The following UBR3 variants were observed in gnomAD, a reference collection of about 807,000 sequenced individuals.
UBR3 encodes ubiquitin protein ligase E3 component n-recognin 3, also known as E3 ubiquitin-protein ligase UBR3.
Under a neutral mutation model 243.2 loss-of-function variants are expected in UBR3, and 85 were observed. That is an observed-to-expected ratio of 0.35 (90% CI 0.29 to 0.42). The LOEUF is 0.42. Among genes scored for constraint, UBR3 ranks in the 10% least tolerant of loss-of-function variants. The probability of loss-of-function intolerance (pLI) is 1.00; values close to 1 mark genes in which losing one functional copy is unlikely to be tolerated. For synonymous variants in UBR3, 748 were observed against 799.8 expected (o/e 0.94, Z 1.09); for missense variants, 1,686 against 2,300.8 (o/e 0.73, Z 5.47).
intron 32 of UBR3, among the ~76,000 whole-genome samples, chr2:170,043,909 G>C (rs1367949332): frequency 6.6e-6 from 1 of 152,162 alleles, no homozygotes; most frequent in Admixed American, 6.5e-5. Flanking sequence ...TTTGCTAGCT[G>C]TCATTGTGGT....
In UBR3 at chr2:170,083,010, A is replaced by T. The variant is rs2091930429; in HGVS notation, c.*1167A>T. 1 of 152,626 alleles carries T rather than the reference A, an allele frequency of 6.6e-6. No homozygotes were observed. Among genetic ancestry groups the T allele is most frequent in the South Asian group, 2.1e-4 (1 of 4,832 alleles). 9.5% of individuals were successfully genotyped at this position (152,626 alleles called of 1,614,324 possible). ...TCTATGAGAAGGAAGATTACTGAAAAGCATGTGACATATTGCTACAAAGAT... is the reference window on the plus strand; with the variant it reads ...TCTATGAGAAGGAAGATTACTGAAATGCATGTGACATATTGCTACAAAGAT... On this transcript the variant is annotated 3_prime_UTR_variant, in exon 39 of 39. Transcript: ENST00000272793.
intron 24 of UBR3, among the ~76,000 whole-genome samples, chr2:169,971,576 A>G (rs2088146895): frequency 6.6e-6 from 1 of 152,052 alleles, no homozygotes; most frequent in Admixed American, 6.6e-5. Flanking sequence ...CATTTATTAA[A>G]TAGGGAATCC....
At chr2:169,829,582 C>A (rs1468549231) in intron 1 of UBR3, among the ~76,000 whole-genome samples, 1 of 151,932 alleles carries the variant, frequency 6.6e-6, no homozygotes, top group Admixed American at 6.6e-5. Flanking sequence ...CACTACCACG[C>A]CTGGCTAATT....
intron 14 of UBR3, 50 bp from the exon 15 acceptor site, chr2:169,926,642 A>G (rs1032673887): frequency 1.4e-6 from 2 of 1,472,636 alleles, no homozygotes; most frequent in Non-Finnish European, 1.8e-6. Context: ...GATTAATAGA[A>G]GAAGGAAAAC....
chr2:169,896,485 CTTTCTATTAAAATG>C lies in UBR3; in HGVS notation c.1237-18_1237-5del. Reference sequence around the variant, plus strand: ...AAAATTAAAACTAATGTGTTTTTTCCTTTCTATTAAAATGTTTACAGGTTGCTTTTACAAAAACT... The same window carrying C: ...AAAATTAAAACTAATGTGTTTTTTCCTTTACAGGTTGCTTTTACAAAAACT... On this transcript the variant is annotated splice_polypyrimidine_tract_variant and splice_region_variant and intron_variant, in intron 7 of 38. Coordinates refer to ENST00000272793, the MANE Select transcript of UBR3 (RefSeq NM_172070.4). 7.1e-7 allele frequency: 1 copy of C among 1,404,772 alleles called. No individual in the cohort carries two copies. Among genetic ancestry groups the C allele is most frequent in the Non-Finnish European group, 9.5e-7 (1 of 1,055,274 alleles). The allele number at this position is 1,404,772 out of a possible 1,614,324, so 87.0% of individuals were successfully genotyped here.
chr2:169,958,877 A>G (rs554495286), intron 24 of UBR3, among the ~76,000 whole-genome samples: 1 of 152,178 alleles, frequency 6.6e-6, no homozygotes, highest in Non-Finnish European at 1.5e-5. Flanking sequence ...AATAGTTTCA[A>G]ATGCTTCTAG....
intron 28 of UBR3, among the ~76,000 whole-genome samples, chr2:170,007,626 C>T (rs564086256): frequency 2.0e-5 from 3 of 151,980 alleles, no homozygotes; most frequent in Non-Finnish European, 4.4e-5. Context: ...GGCGTGGTGG[C>T]GCTGAGACAG....
intron 11 of UBR3, among the ~76,000 whole-genome samples, chr2:169,918,246 A>G (rs2085539684): frequency 6.6e-6 from 1 of 151,868 alleles, no homozygotes; most frequent in South Asian, 2.1e-4. Context: ...CTCTGCCATA[A>G]TTCAACTAGC....
chr2:169,959,592 T>C (rs1237330367), intron 24 of UBR3, among the ~76,000 whole-genome samples: 1 of 152,100 alleles, frequency 6.6e-6, no homozygotes, highest in South Asian at 2.1e-4. Context: ...TGGTAGGATA[T>C]GTATATATGA....
chr2:169,940,393 T>C (rs17631433), intron 19 of UBR3, among the ~76,000 whole-genome samples: 9,918 of 152,266 alleles, frequency 0.065, 343 homozygotes, highest in Non-Finnish European at 0.084. Flanking sequence ...CGCCTTAAAA[T>C]GTCTGCATGT....
chr2:170,071,162 T>C (rs780168293), intron 35 of UBR3, among the ~76,000 whole-genome samples: 1 of 152,192 alleles, frequency 6.6e-6, no homozygotes, highest in Non-Finnish European at 1.5e-5. Flanking sequence ...GGAAAAAGTT[T>C]GGCAGTTTTT....
intron 11 of UBR3, among the ~76,000 whole-genome samples, chr2:169,917,043 A>G (rs1407760015): frequency 3.9e-5 from 6 of 152,118 alleles, no homozygotes; most frequent in Non-Finnish European, 8.8e-5. Context: ...ACCCTTTGTT[A>G]TCTTTAATTC....
At chr2:169,841,613 G>T (rs1372886430) in intron 1 of UBR3, among the ~76,000 whole-genome samples, 1 of 152,216 alleles carries the variant, frequency 6.6e-6, no homozygotes, top group Non-Finnish European at 1.5e-5. Flanking sequence ...GGCTTGGTGG[G>T]CCCTGCACTC....
chr2:169,967,218 TGAG>T (rs1161069923), intron 24 of UBR3, among the ~76,000 whole-genome samples: 1 of 151,494 alleles, frequency 6.6e-6, no homozygotes, highest in Non-Finnish European at 1.5e-5. Context: ...TAAAGCAAAT[TGAG>T]GAGAGTATGC....
chr2:169,981,236 G>A (rs1261083433), intron 24 of UBR3, among the ~76,000 whole-genome samples: 1 of 152,078 alleles, frequency 6.6e-6, no homozygotes, highest in Non-Finnish European at 1.5e-5. Context: ...TGAGCTGCAT[G>A]TAATGGCTTC....
At chr2:169,911,466 C>T (rs1425070238) in intron 10 of UBR3, among the ~76,000 whole-genome samples, 3 of 151,992 alleles carry the variant, frequency 2.0e-5, no homozygotes, top group Non-Finnish European at 4.4e-5. Context: ...TGTGGAGAAA[C>T]TGAGACTCAT....
intron 26 of UBR3, among the ~76,000 whole-genome samples, chr2:169,998,153 A>AGAC (rs1242277253): frequency 1.3e-5 from 2 of 152,224 alleles, no homozygotes; most frequent in Admixed American, 6.5e-5. Flanking sequence ...ATTTTTAATT[A>AGAC]CTTTAGAGTA....
chr2:170,062,957 G>A (rs965086054), intron 35 of UBR3, among the ~76,000 whole-genome samples: 1 of 152,190 alleles, frequency 6.6e-6, no homozygotes, highest in African/African-American at 2.4e-5. Context: ...TTAAAATATA[G>A]TTGTAATGGA....
intron 8 of UBR3, among the ~76,000 whole-genome samples, chr2:169,900,258 C>T (rs2084765640): frequency 6.6e-6 from 1 of 152,160 alleles, no homozygotes; most frequent in African/African-American, 2.4e-5. Context: ...TGATGATGAG[C>T]ATTTTTCATA....
Sources: gnomAD v4.1 joint callset for allele counts (sites outside exome capture counted in the v4.1 genomes callset) on GRCh38, gnomAD v4.1.1 for gene constraint, MANE v1.5 for transcripts, NCBI Gene and HGNC (gene_info 2026-07-23, HGNC 2026-07-21) for gene names.